ERCC6L2: variants seen among roughly 807,000 people sequenced by gnomAD.
ERCC6L2 encodes ERCC excision repair 6 like 2.
In ERCC6L2, 77 loss-of-function variants were observed where a neutral mutation model predicts 132.0. The observed-to-expected ratio is 0.58, with a 90% confidence interval of 0.49 to 0.71. The LOEUF (loss-of-function observed/expected upper bound fraction) is 0.71. ERCC6L2 is among the 30% of genes least tolerant of loss of function. ERCC6L2 has a pLI of 0.00. For missense variants in ERCC6L2, 1,542 were observed against 1,837.6 expected (o/e 0.84, Z 2.94); for synonymous variants, 583 against 632.4 (o/e 0.92, Z 1.17).
downstream of ERCC6L2, chr9:96,020,907 C>T (rs1299106690): frequency 2.2e-6 from 1 of 456,760 alleles, no homozygotes; most frequent in Non-Finnish European, 4.4e-6. Context: ...GCGTAGAGTG[C>T]TTCCGACAAT....
At chr9:95,988,753 C>T (rs1302158031) in intron 17 of ERCC6L2, among the ~76,000 whole-genome samples, 1 of 152,180 alleles carries the variant, frequency 6.6e-6, no homozygotes, top group Non-Finnish European at 1.5e-5. Flanking sequence ...AGCAAGCAGT[C>T]AATTCTGTAG....
chr9:95,922,438 T>A lies in ERCC6L2; in HGVS notation c.1413+20T>A. 7.2e-7 allele frequency: 1 copy of A among 1,386,214 alleles called. No individual in the cohort carries two copies. The highest frequency in any genetic ancestry group is 1.0e-6 in the Non-Finnish European group (1 of 976,392). The allele number at this position is 1,386,214 out of a possible 1,614,324, so 85.9% of individuals were successfully genotyped here. On this transcript the variant is annotated intron_variant, in intron 8 of 18. Coordinates refer to ENST00000653738, the MANE Select transcript of ERCC6L2 (RefSeq NM_020207.7). ...CAACAGGTTTGGTTAGCATTTTACA[T>A]TTCTTTGTGATGCTATTGTTGTGAA...
chr9:96,012,643 CA>C lies in ERCC6L2; in HGVS notation c.4095del (p.Glu1366ArgfsTer15). The C allele has an allele frequency of 7.3e-7, 1 of 1,367,532 alleles. No homozygotes were observed. The highest frequency in any genetic ancestry group is 1.5e-5 in the African/African-American group (1 of 67,802). The allele number at this position is 1,367,532 out of a possible 1,614,324, so 84.7% of individuals were successfully genotyped here. The stretch of plus-strand genomic sequence containing the variant: ...TAAGAAATCACCTGTTAGTTCTACT[CA>C]AGAGATTGACAGTGGGAAAAACAGC... ...ETKKSPVSST[Q>X]EIDSGKNSQA... On this transcript the variant is annotated frameshift_variant, in exon 19 of 19. Transcript: ENST00000653738. LOFTEE classifies it low-confidence loss of function (END_TRUNC).
At chr9:95,958,018 C>G (rs985418350) in intron 13 of ERCC6L2, among the ~76,000 whole-genome samples, 17 of 96,828 alleles carry the variant, frequency 1.8e-4, no homozygotes, top group African/African-American at 6.9e-4. Flanking sequence ...CTAATGCTAT[C>G]CCTCCCCCCT....
At chr9:95,943,726 T>C (rs1830915582) in intron 12 of ERCC6L2, among the ~76,000 whole-genome samples, 1 of 152,122 alleles carries the variant, frequency 6.6e-6, no homozygotes, top group African/African-American at 2.4e-5. Context: ...ACAAGATATA[T>C]AAGTGGCCAT....
intron 6 of ERCC6L2, among the ~76,000 whole-genome samples, chr9:95,916,864 T>C (rs1419364420): frequency 3.9e-5 from 6 of 152,042 alleles, no homozygotes; most frequent in Non-Finnish European, 7.4e-5. Context: ...TTTGTATTTT[T>C]AGTAGAGACA....
chr9:95,984,256 A>G (rs1409215565), intron 17 of ERCC6L2, among the ~76,000 whole-genome samples: 9 of 149,270 alleles, frequency 6.0e-5, no homozygotes, highest in African/African-American at 2.0e-4. Context: ...TTATGTAACT[A>G]CATACATGTA....
intron 12 of ERCC6L2, among the ~76,000 whole-genome samples, chr9:95,954,427 C>CCA (rs1309807747): frequency 6.6e-6 from 1 of 152,140 alleles, no homozygotes; most frequent in African/African-American, 2.4e-5. Flanking sequence ...TTTTCCTCTC[C>CCA]CTGTCCTTCC....
intron 3 of ERCC6L2, chr9:95,906,673 A>G: frequency 2.2e-6 from 1 of 457,500 alleles, no homozygotes. Context: ...AGAGAGCTCC[A>G]GGAGACCATA....
At chr9:95,928,629 A>G in intron 10 of ERCC6L2, 90 bp from the exon 11 acceptor site, 1 of 1,172,054 alleles carries the variant, frequency 8.5e-7, no homozygotes. Flanking sequence ...GAACACCAAT[A>G]ATTAATACTT....
Position 95,970,699 on chromosome 9 carries a change from A to C in ERCC6L2, c.2181+43A>C, listed in dbSNP as rs777242897. Reference sequence around the variant, plus strand: ...CTGTAGACTACAACACCTAGAAAACATGTACTGTGACAATTTTGTTTCTTT... The same window carrying C: ...CTGTAGACTACAACACCTAGAAAACCTGTACTGTGACAATTTTGTTTCTTT... On this transcript the variant is annotated intron_variant, in intron 15 of 18. Coordinates refer to ENST00000653738, the MANE Select transcript of ERCC6L2 (RefSeq NM_020207.7). 7.5e-6 allele frequency: 9 copies of C among 1,202,660 alleles called. No homozygotes were observed. In the South Asian group the frequency reaches 1.3e-4, roughly 18 times the overall value. 74.5% of individuals were successfully genotyped at this position (1,202,660 alleles called of 1,614,324 possible).
At chr9:95,949,777 A>G (rs1165930179) in intron 12 of ERCC6L2, among the ~76,000 whole-genome samples, 1 of 152,170 alleles carries the variant, frequency 6.6e-6, no homozygotes, top group African/African-American at 2.4e-5. Flanking sequence ...TGGGAGGCCA[A>G]GATGGGTGGA....
At chr9:96,020,038 C>T (rs977520730), downstream of ERCC6L2, 2 of 152,362 alleles carry the variant, frequency 1.3e-5, no homozygotes, top group Non-Finnish European at 2.9e-5. Flanking sequence ...ACACATTAGC[C>T]GGGCGTGATG....
intron 4 of ERCC6L2, 67 bp downstream of exon 4, chr9:95,907,338 G>GTTTTTTT: frequency 3.7e-6 from 2 of 546,156 alleles, no homozygotes; most frequent in Non-Finnish European, 5.2e-6. Flanking sequence ...TATATTAAGA[G>GTTTTTTT]TTTTTTTTTT....
At chr9:95,983,209 A>G (rs1436760163) in intron 17 of ERCC6L2, among the ~76,000 whole-genome samples, 4 of 152,214 alleles carry the variant, frequency 2.6e-5, no homozygotes, top group Non-Finnish European at 5.9e-5. Context: ...TTTTATGTGA[A>G]GTACCTGCCT....
intron 3 of ERCC6L2, chr9:95,906,698 G>A (rs184021922): frequency 1.9e-4 from 88 of 458,998 alleles, no homozygotes; most frequent in African/African-American, 1.5e-3. Flanking sequence ...TCAAGAACAC[G>A]TGGCCTGCTT....
At chr9:96,001,566 A>G (rs1228540265) in intron 17 of ERCC6L2, among the ~76,000 whole-genome samples, 3 of 152,216 alleles carry the variant, frequency 2.0e-5, no homozygotes, top group Non-Finnish European at 4.4e-5. Flanking sequence ...TGAGCTAGAT[A>G]CAGAGTGCCA....
chr9:96,033,900 A>C (rs1165559489), intron 19 of ERCC6L2, among the ~76,000 whole-genome samples: 1 of 152,210 alleles, frequency 6.6e-6, no homozygotes, highest in African/African-American at 2.4e-5. Context: ...CGGGGCTCAG[A>C]AGGCCAGGAA....
intron 19 of ERCC6L2, among the ~76,000 whole-genome samples, chr9:96,030,911 C>A (rs1395932006): frequency 6.6e-6 from 1 of 152,260 alleles, no homozygotes; most frequent in African/African-American, 2.4e-5. Flanking sequence ...CGCAGTGAAG[C>A]CTTTGCCCAG....
Sources: allele counts gnomAD v4.1 joint callset (sites outside exome capture counted in the v4.1 genomes callset), GRCh38; gene constraint gnomAD v4.1.1; transcripts MANE v1.5; gene names NCBI Gene and HGNC (gene_info 2026-07-23, HGNC 2026-07-21).